Variants in BCL2L1 observed in about 807,000 individuals in gnomAD.
BCL2L1 encodes BCL2 like 1.
In BCL2L1, 1 loss-of-function variant was observed where a neutral mutation model predicts 18.7. That is an observed-to-expected ratio of 0.05 (90% CI 0.02 to 0.25). The LOEUF (loss-of-function observed/expected upper bound fraction) is 0.25, where lower values mean the gene tolerates loss of function less well. Among genes scored for constraint, BCL2L1 ranks in the 10% least tolerant of loss-of-function variants. The pLI is 1.00. For missense variants in BCL2L1, 207 were observed against 304.9 expected (o/e 0.68, Z 2.39); for synonymous variants, 103 against 122.7 (o/e 0.84, Z 1.06).
chr20:31,712,604 G>C (rs1297140440), intron 2 of BCL2L1, among the ~76,000 whole-genome samples: 1 of 152,196 alleles, frequency 6.6e-6, no homozygotes, highest in Admixed American at 6.5e-5. Flanking sequence ...TTGTAGGCAA[G>C]TTTTTAGCCT....
At chr20:31,667,422 C>T (rs896722638) in intron 2 of BCL2L1, among the ~76,000 whole-genome samples, 1 of 149,884 alleles carries the variant, frequency 6.7e-6, no homozygotes, top group Non-Finnish European at 1.5e-5. Flanking sequence ...AATCGCACCA[C>T]AGCACTCCAG....
intron 2 of BCL2L1, among the ~76,000 whole-genome samples, chr20:31,706,893 C>A (rs1257592230): frequency 6.6e-6 from 1 of 152,152 alleles, no homozygotes; most frequent in African/African-American, 2.4e-5. Flanking sequence ...ACATATGAGG[C>A]AACAGGCAGA....
At chr20:31,693,740 TGCCCAGGCTAGTCTCAAACTTCTG>T (rs2061122623) in intron 2 of BCL2L1, among the ~76,000 whole-genome samples, 1 of 152,072 alleles carries the variant, frequency 6.6e-6, no homozygotes, top group African/African-American at 2.4e-5. Flanking sequence ...CTCACTATGT[TGCCCAGGCTAGTCTCAAACTTCTG>T]GCCTCAAGCA....
At chr20:31,678,968 G>A (rs2060809544) in intron 2 of BCL2L1, among the ~76,000 whole-genome samples, 1 of 152,186 alleles carries the variant, frequency 6.6e-6, no homozygotes, top group Non-Finnish European at 1.5e-5. Context: ...GGCACCCACG[G>A]TGTTGCATTT....
chr20:31,693,242 A>G (rs866907049), intron 2 of BCL2L1, among the ~76,000 whole-genome samples: 48 of 150,458 alleles, frequency 3.2e-4, no homozygotes, highest in African/African-American at 1.2e-3. Flanking sequence ...CTGAGGTAGG[A>G]GGATCGCTTG....
intron 2 of BCL2L1, among the ~76,000 whole-genome samples, chr20:31,687,420 G>A (rs115140022): frequency 1.1e-3 from 164 of 151,832 alleles, no homozygotes; most frequent in African/African-American, 3.8e-3. Flanking sequence ...GGGAGGCGTC[G>A]GCCTCCCAAA....
rs1040490728 is a variant in BCL2L1 at position 31,721,738 on chromosome 20, C to T, written c.481G>A (p.Val161Ile). ...CVESVDKEMQVLVSRIAAWMA... is the reference protein window; with the variant it reads ...CVESVDKEMQILVSRIAAWMA... ...CAAGCTGCGATCCGACTCACCAATA[C>T]CTGCATCTCCTTGTCTACGCTTTCC... Residue 161 changes from valine (V) to isoleucine (I), a missense_variant, in exon 2 of 3, where the codon GTA (valine) becomes ATA (isoleucine). Val to Ile is a conservative substitution (Grantham distance 29, BLOSUM62 3). Coordinates refer to ENST00000307677, the MANE Select transcript of BCL2L1 (RefSeq NM_138578.3). 11 of 1,614,170 alleles carry T rather than the reference C, an allele frequency of 6.8e-6. No homozygotes were observed. Among genetic ancestry groups the T allele is most frequent in the Non-Finnish European group, 9.3e-6 (11 of 1,180,038 alleles).
intron 2 of BCL2L1, among the ~76,000 whole-genome samples, chr20:31,712,398 G>A (rs550482191): frequency 1.3e-5 from 2 of 152,352 alleles, no homozygotes; most frequent in South Asian, 2.1e-4. Context: ...GTGCTGCTGT[G>A]AGAATGAAAT....
At chr20:31,702,338 G>T (rs2061289629) in intron 2 of BCL2L1, among the ~76,000 whole-genome samples, 1 of 152,172 alleles carries the variant, frequency 6.6e-6, no homozygotes, top group African/African-American at 2.4e-5. Flanking sequence ...AGGTTGGTAA[G>T]AAGTCTGGGT....
At chr20:31,685,290 C>T (rs1733615407) in intron 2 of BCL2L1, among the ~76,000 whole-genome samples, 1 of 151,848 alleles carries the variant, frequency 6.6e-6, no homozygotes, top group Non-Finnish European at 1.5e-5. Context: ...GTCCCACCTA[C>T]TCGGGAGGCT....
intron 2 of BCL2L1, among the ~76,000 whole-genome samples, chr20:31,670,757 T>G (rs2060655079): frequency 6.6e-6 from 1 of 152,072 alleles, no homozygotes; most frequent in Non-Finnish European, 1.5e-5. Context: ...ATGAGCAAAA[T>G]GGGGCGTGCT....
chr20:31,687,175 A>C (rs1282521074), intron 2 of BCL2L1, among the ~76,000 whole-genome samples: 1 of 152,090 alleles, frequency 6.6e-6, no homozygotes, highest in Non-Finnish European at 1.5e-5. Flanking sequence ...ACAAAACAAA[A>C]CAAACTACAC....
intron 2 of BCL2L1, among the ~76,000 whole-genome samples, chr20:31,718,733 T>C (rs2061578063): frequency 6.6e-6 from 1 of 151,866 alleles, no homozygotes; most frequent in Admixed American, 6.6e-5. Flanking sequence ...AAACCTGCCA[T>C]GTCTGAGTTT....
intron 2 of BCL2L1, among the ~76,000 whole-genome samples, chr20:31,667,114 G>T (rs896623914): frequency 6.6e-6 from 1 of 152,078 alleles, no homozygotes; most frequent in Non-Finnish European, 1.5e-5. Flanking sequence ...CTGTGTCAGT[G>T]GTGGAGCCAG....
intron 2 of BCL2L1, among the ~76,000 whole-genome samples, chr20:31,719,356 T>TC (rs2061587464): frequency 6.6e-6 from 1 of 152,092 alleles, no homozygotes; most frequent in African/African-American, 2.4e-5. Context: ...CTTAAGGATC[T>TC]CCCAGCCGCA....
intron 2 of BCL2L1, among the ~76,000 whole-genome samples, chr20:31,673,129 T>C (rs1472685770): frequency 6.7e-6 from 1 of 148,984 alleles, no homozygotes; most frequent in Non-Finnish European, 1.5e-5. Context: ...TGGAGTGCAG[T>C]GGCATGATCT....
At chr20:31,700,308 T>C (rs1394457113) in intron 2 of BCL2L1, among the ~76,000 whole-genome samples, 1 of 152,160 alleles carries the variant, frequency 6.6e-6, no homozygotes, top group African/African-American at 2.4e-5. Flanking sequence ...CCCTCACTAT[T>C]AGTTGAAGGC....
chr20:31,693,390 G>T (rs1394599810), intron 2 of BCL2L1, among the ~76,000 whole-genome samples: 3 of 152,048 alleles, frequency 2.0e-5, no homozygotes, highest in African/African-American at 7.2e-5. Context: ...TGAGGCTGAA[G>T]TGAGGTATGA....
intron 2 of BCL2L1, among the ~76,000 whole-genome samples, chr20:31,704,753 C>T (rs915020850): frequency 1.9e-4 from 29 of 152,200 alleles, no homozygotes; most frequent in Admixed American, 1.2e-3. Context: ...ACCCCCCCAA[C>T]GCACACACCC....
Sources: allele counts gnomAD v4.1 joint callset (sites outside exome capture counted in the v4.1 genomes callset), GRCh38; gene constraint gnomAD v4.1.1; transcripts MANE v1.5; gene names NCBI Gene and HGNC (gene_info 2026-07-23, HGNC 2026-07-21).